DLG1: variants seen among roughly 807,000 people sequenced by gnomAD.
DLG1 encodes disks large homolog 1.
In DLG1, 42 loss-of-function variants were observed where a neutral mutation model predicts 123.4. The observed-to-expected ratio is 0.34, with a 90% CI of 0.27 to 0.44. The LOEUF (loss-of-function observed/expected upper bound fraction) is 0.44, where lower values mean the gene tolerates loss of function less well. DLG1 is among the 20% of genes least tolerant of loss of function. The pLI is 1.00. For missense variants in DLG1, 942 were observed against 1,082.6 expected (o/e 0.87, Z 1.82); for synonymous variants, 317 against 356.2 (o/e 0.89, Z 1.24).
chr3:197,272,833 G>T lies in DLG1; in HGVS notation c.318+9846C>A, dbSNP rs140532139. Among the ~76,000 whole-genome samples, 951 of 152,288 alleles carry T rather than the reference G, an allele frequency of 6.2e-3. 9 individuals carry two copies. The highest frequency in any genetic ancestry group is 6.5e-3 in the Non-Finnish European group (444 of 68,018). On this transcript the variant is annotated intron_variant, in intron 4 of 24. Coordinates refer to ENST00000667157, the MANE Select transcript of DLG1 (RefSeq NM_001366207.1). ...ATTTGGATGGTCCTCTGAGGAAGAG[G>T]GGATAGGTAGTAAATAGGGAGAGTA...
intron 4 of DLG1, among the ~76,000 whole-genome samples, chr3:197,236,828 T>G (rs1746227380): frequency 6.6e-6 from 1 of 152,250 alleles, no homozygotes; most frequent in African/African-American, 2.4e-5. Flanking sequence ...ACATTTGCTG[T>G]TTTATTCAAG....
At chr3:197,156,864 C>T (rs1796623201) in intron 5 of DLG1, among the ~76,000 whole-genome samples, 1 of 152,048 alleles carries the variant, frequency 6.6e-6, no homozygotes, top group South Asian at 2.1e-4. Flanking sequence ...ACTTCAATAC[C>T]ACATTCTCCA....
intron 4 of DLG1, among the ~76,000 whole-genome samples, chr3:197,196,148 A>C (rs1227364418): frequency 2.0e-5 from 3 of 148,002 alleles, no homozygotes; most frequent in African/African-American, 7.5e-5. Flanking sequence ...TAGGAGGAAA[A>C]ATGTACGTTT....
rs1250016896 is a variant in DLG1, at chr3:197,044,544, G to A, written c.*79C>T. 1.1e-6 allele frequency: 1 copy of A among 934,896 alleles called. No individual in the cohort carries two copies. Among genetic ancestry groups the A allele is most frequent in the Non-Finnish European group, 1.7e-6 (1 of 601,204 alleles). The allele number at this position is 934,896 out of a possible 1,614,324, so 57.9% of individuals were successfully genotyped here. Reference sequence around the variant, plus strand: ...AATTCAACATGAAATCAGTACTCAAGAAAGACTCCAGAGGAAAGGGCAAAG... The same window carrying A: ...AATTCAACATGAAATCAGTACTCAAAAAAGACTCCAGAGGAAAGGGCAAAG... On this transcript the variant is annotated 3_prime_UTR_variant, in exon 25 of 25. Transcript: ENST00000667157.
At chr3:197,083,443 A>G (rs1247751758) in intron 16 of DLG1, among the ~76,000 whole-genome samples, 1 of 152,202 alleles carries the variant, frequency 6.6e-6, no homozygotes, top group Admixed American at 6.5e-5. Context: ...CTTAAAGAAG[A>G]ACTTCCAGAC....
Position 197,115,964 on chromosome 3 carries a change from A to G in DLG1, c.1406T>C (p.Leu469Pro). 6.2e-7 allele frequency: 1 copy of G among 1,613,324 alleles called. No individual in the cohort carries two copies. The highest frequency in any genetic ancestry group is 8.5e-7 in the Non-Finnish European group (1 of 1,179,746). Residue 469 changes from leucine to proline, a missense_variant, in exon 13 of 25, where the codon CTA becomes CCA. Coordinates refer to ENST00000667157, the MANE Select transcript of DLG1 (RefSeq NM_001366207.1). Reference protein sequence around the residue: ...SFILAGGPADLSGELRKGDRI... With the variant: ...SFILAGGPADPSGELRKGDRI... Reference sequence around the variant, plus strand: ...ATCTCCTTTTCTGAGCTCTCCACTTAGATCAGCAGGTCCTCCGGCTAAGAT... The same window carrying G: ...ATCTCCTTTTCTGAGCTCTCCACTTGGATCAGCAGGTCCTCCGGCTAAGAT...
intron 4 of DLG1, among the ~76,000 whole-genome samples, chr3:197,237,806 A>G (rs183235035): frequency 5.9e-5 from 9 of 152,354 alleles, no homozygotes; most frequent in African/African-American, 2.2e-4. Flanking sequence ...ATACTGTCAC[A>G]TGAGGAGCAG....
chr3:197,263,212 T>C (rs990180857), intron 4 of DLG1, among the ~76,000 whole-genome samples: 1 of 152,230 alleles, frequency 6.6e-6, no homozygotes, highest in Non-Finnish European at 1.5e-5. Context: ...GAAATTTTTA[T>C]CACATCTAGA....
intron 13 of DLG1, among the ~76,000 whole-genome samples, chr3:197,111,699 A>G (rs184654089): frequency 6.6e-6 from 1 of 152,336 alleles, no homozygotes; most frequent in Non-Finnish European, 1.5e-5. Context: ...GTCAGTCCCA[A>G]TCACTGGCAA....
rs745441858 is a variant in DLG1 at position 197,044,617 on chromosome 3, G to C, written c.*6C>G. 6.3e-7 allele frequency: 1 copy of C among 1,577,714 alleles called. No homozygotes were observed. Reference sequence around the variant, plus strand: ...GTGGAAAAGAGAAACAGAGAAACATGAGTTTTCATAGCTTTTCTTTTGCCG... The same window carrying C: ...GTGGAAAAGAGAAACAGAGAAACATCAGTTTTCATAGCTTTTCTTTTGCCG... On this transcript the variant is annotated 3_prime_UTR_variant, in exon 25 of 25. Transcript: ENST00000667157.
chr3:197,176,348 T>G (rs191326703), intron 5 of DLG1, among the ~76,000 whole-genome samples: 7 of 148,126 alleles, frequency 4.7e-5, no homozygotes, highest in Non-Finnish European at 1.1e-4. Context: ...TACATGAGAG[T>G]TGACTGTGGG....
chr3:197,138,499 A>T, intron 8 of DLG1, 108 bp from the exon 9 acceptor site: 1 of 458,110 alleles, frequency 2.2e-6, no homozygotes, highest in Non-Finnish European at 3.2e-6. Context: ...AGAGAATTAT[A>T]AATAATTCTG....
At position 197,287,051 on chromosome 3, in the gene DLG1, T is replaced by C. The variant is rs577965758; in HGVS notation, c.152-4206A>G. ...CCATGCCTGGTTAAATTTTTTTTTTTCCTAAGACAGGGTCTTACTATGTTG... is the reference window on the plus strand; with the variant it reads ...CCATGCCTGGTTAAATTTTTTTTTTCCCTAAGACAGGGTCTTACTATGTTG... On this transcript the variant is annotated intron_variant, in intron 3 of 24. Transcript: ENST00000667157. Among the ~76,000 whole-genome samples the C allele has an allele frequency of 8.5e-5, 13 of 152,062 alleles. No homozygotes were observed. The South Asian group carries it at 1.7e-3, about 19-fold the overall frequency.
intron 4 of DLG1, among the ~76,000 whole-genome samples, chr3:197,261,527 A>T (rs546185003): frequency 6.6e-6 from 1 of 152,348 alleles, no homozygotes; most frequent in Admixed American, 6.5e-5. Flanking sequence ...TTGTCCACAA[A>T]GTTTCCTCAC....
chr3:197,293,565 A>T (rs970186246), intron 3 of DLG1, among the ~76,000 whole-genome samples: 1 of 152,196 alleles, frequency 6.6e-6, no homozygotes, highest in Non-Finnish European at 1.5e-5. Context: ...CCTCTGAATA[A>T]TCCAAAAGTA....
intron 23 of DLG1, among the ~76,000 whole-genome samples, chr3:197,052,439 AG>A (rs1728535663): frequency 1.3e-5 from 2 of 152,152 alleles, no homozygotes; most frequent in African/African-American, 4.8e-5. Flanking sequence ...TGGGTGACAG[AG>A]CGAGACTCTG....
intron 5 of DLG1, among the ~76,000 whole-genome samples, chr3:197,171,368 G>C (rs1049927488): frequency 2.0e-5 from 3 of 152,174 alleles, no homozygotes; most frequent in African/African-American, 7.2e-5. Flanking sequence ...TTTCACATAA[G>C]CCGGTATAGT....
At chr3:197,184,483 C>A (rs965615974) in intron 5 of DLG1, among the ~76,000 whole-genome samples, 1 of 152,222 alleles carries the variant, frequency 6.6e-6, no homozygotes, top group African/African-American at 2.4e-5. Flanking sequence ...TTCAAAGGTG[C>A]TGCCTACATT....
chr3:197,086,276 A>G (rs1279967823), intron 15 of DLG1, among the ~76,000 whole-genome samples: 1 of 152,196 alleles, frequency 6.6e-6, no homozygotes, highest in East Asian at 1.9e-4. Flanking sequence ...AATGATGGAC[A>G]CTAATTACAG....
Sources: gnomAD v4.1 joint callset for allele counts (sites outside exome capture counted in the v4.1 genomes callset) on GRCh38, gnomAD v4.1.1 for gene constraint, MANE v1.5 for transcripts, NCBI Gene and HGNC (gene_info 2026-07-23, HGNC 2026-07-21) for gene names.